The following PCDH10 variants were observed in gnomAD, a reference collection of about 807,000 sequenced individuals.
PCDH10 encodes protocadherin 10.
PCDH10 carries 15 observed loss-of-function variants against 74.4 expected under a neutral mutation model. The ratio of observed to expected loss-of-function variants is 0.20; its 90% CI spans 0.13 to 0.31. The LOEUF (loss-of-function observed/expected upper bound fraction) is 0.31. Among genes scored for constraint, PCDH10 ranks in the 10% least tolerant of loss-of-function variants. The pLI is 1.00. For missense variants in PCDH10, 1,260 were observed against 1,390.2 expected, an observed-to-expected ratio of 0.91 and a Z score of 1.49; for synonymous variants, 619 against 589.8, an observed-to-expected ratio of 1.05 and a Z score of -0.72.
Position 133,150,271 on chromosome 4 carries a change from A to G in PCDH10, c.131A>G (p.Asp44Gly), listed in dbSNP as rs761142755. The G allele has an allele frequency of 8.1e-6, 13 of 1,613,868 alleles. No homozygotes were observed. Among genetic ancestry groups the G allele is most frequent in the East Asian group, 2.2e-5 (1 of 44,864 alleles). ...AATATCGCTGAAGATCTGGGTCTGG[A>G]CATTACAAAACTTTCGGCTCGCGGG... ...VGNIAEDLGLDITKLSARGFQ... is the reference protein window; with the variant it reads ...VGNIAEDLGLGITKLSARGFQ... Residue 44 changes from aspartate (D) to glycine (G), a missense_variant, in exon 1 of 5, where the codon GAC (aspartate) becomes GGC (glycine). Transcript: ENST00000264360.
intron 2 of PCDH10, among the ~76,000 whole-genome samples, chr4:133,200,125 T>A (rs1257967934): frequency 6.6e-6 from 1 of 151,956 alleles, no homozygotes; most frequent in African/African-American, 2.4e-5. Context: ...TATAAAATGG[T>A]ACTATTCATG....
intron 3 of PCDH10, among the ~76,000 whole-genome samples, chr4:133,157,795 G>A (rs1726895723): frequency 6.6e-6 from 1 of 151,868 alleles, no homozygotes; most frequent in Non-Finnish European, 1.5e-5. Context: ...TTTATGAATA[G>A]TTTTCTTTTT....
exon 3 of PCDH10, chr4:133,208,154 T>C (rs1310761827): frequency 6.6e-6 from 1 of 152,150 alleles, no homozygotes; most frequent in Admixed American, 6.5e-5. Flanking sequence ...TGAGTGAGCT[T>C]GGAAACAGAC....
At chr4:133,188,819 G>A (rs566900605) in intron 4 of PCDH10, among the ~76,000 whole-genome samples, 20 of 151,432 alleles carry the variant, frequency 1.3e-4, no homozygotes, top group Admixed American at 3.3e-4. Context: ...GATTATAGGC[G>A]CCCACCACCA....
chr4:133,164,708 T>A (rs115197059), intron 4 of PCDH10, among the ~76,000 whole-genome samples: 1 of 151,536 alleles, frequency 6.6e-6, no homozygotes, highest in Non-Finnish European at 1.5e-5. Context: ...TGTCTTTTCT[T>A]TACTGACTGG....
At chr4:133,170,317 C>T (rs1274770791) in intron 4 of PCDH10, among the ~76,000 whole-genome samples, 1 of 151,974 alleles carries the variant, frequency 6.6e-6, no homozygotes, top group Non-Finnish European at 1.5e-5. Flanking sequence ...TATGAAGAGA[C>T]AATATTTGAA....
Position 133,190,941 on chromosome 4 carries a change from C to G in PCDH10, c.*781C>G, listed in dbSNP as rs1266770424. The G allele has an allele frequency of 1.3e-5, 2 of 152,078 alleles. No individual in the cohort carries two copies. The highest frequency in any genetic ancestry group is 2.9e-5 in the Non-Finnish European group (2 of 67,824). The allele number at this position is 152,078 out of a possible 1,614,324, so 9.4% of individuals were successfully genotyped here. ...CCATATCTTACTCAACCGTGTTTTT[C>G]CTTGTTTAAAAGAAAATGATGCTCT... is the stretch of plus-strand genomic sequence containing the variant. On this transcript the variant is annotated 3_prime_UTR_variant, in exon 5 of 5. Transcript: ENST00000264360.
At chr4:133,198,342 T>A (rs1248958731), downstream of PCDH10, among the ~76,000 whole-genome samples, 2 of 152,158 alleles carry the variant, frequency 1.3e-5, no homozygotes, top group African/African-American at 4.8e-5. Flanking sequence ...GAGAGTTATA[T>A]TTTAACATAC....
In PCDH10 at chr4:133,152,086, A is replaced by AC; in HGVS notation, c.1951dup (p.Gln651ProfsTer5). On this transcript the variant is annotated frameshift_variant, in exon 1 of 5. Coordinates refer to ENST00000264360, the MANE Select transcript of PCDH10 (RefSeq NM_032961.3). LOFTEE classifies it high-confidence loss of function. ...GCACGCCGAGTCCCGGCCAAGCGCG[A>AC]CCCCCAGCGGCCTTATGAGCTGGTG... The AC allele has an allele frequency of 6.3e-7, 1 of 1,595,894 alleles. No homozygotes were observed. The highest frequency in any genetic ancestry group is 8.5e-7 in the Non-Finnish European group (1 of 1,171,780).
chr4:133,182,749 G>C lies in PCDH10; in HGVS notation c.3104-7392G>C, dbSNP rs1373055030. 3.3e-5 allele frequency among the ~76,000 whole-genome samples: 5 copies of C among 152,122 alleles called. No individual in the cohort carries two copies. The East Asian group carries it at 9.7e-4, about 30-fold the overall frequency. On this transcript the variant is annotated intron_variant, in intron 4 of 4. Coordinates refer to ENST00000264360, the MANE Select transcript of PCDH10 (RefSeq NM_032961.3). Reference sequence around the variant, plus strand: ...TACTTTGAGATACTAATTGGGCAATGGTGTTCTGTTTGTCAAATAGAGCCT... The same window carrying C: ...TACTTTGAGATACTAATTGGGCAATCGTGTTCTGTTTGTCAAATAGAGCCT...
At chr4:133,156,286 A>G (rs953388576) in intron 3 of PCDH10, among the ~76,000 whole-genome samples, 13 of 152,086 alleles carry the variant, frequency 8.5e-5, no homozygotes, top group Non-Finnish European at 1.6e-4. Flanking sequence ...GCCTTGGGAA[A>G]CCCAGGCAGG....
chr4:133,197,395 G>A (rs560743748), downstream of PCDH10, among the ~76,000 whole-genome samples: 1 of 152,218 alleles, frequency 6.6e-6, no homozygotes, highest in African/African-American at 2.4e-5. Context: ...ACTTCTTGAA[G>A]TTGTCATTAC....
intron 4 of PCDH10, among the ~76,000 whole-genome samples, chr4:133,171,307 T>G (rs568713733): frequency 6.6e-6 from 1 of 152,224 alleles, no homozygotes; most frequent in East Asian, 1.9e-4. Context: ...GGGCTGAAAA[T>G]TACCACTTTA....
chr4:133,164,622 T>C (rs1727041246), intron 4 of PCDH10, among the ~76,000 whole-genome samples: 1 of 151,800 alleles, frequency 6.6e-6, no homozygotes, highest in Non-Finnish European at 1.5e-5. Context: ...CAACTTGCCC[T>C]CTTTTGCTCT....
chr4:133,162,276 G>T (rs1372019860), intron 3 of PCDH10, among the ~76,000 whole-genome samples: 1 of 152,138 alleles, frequency 6.6e-6, no homozygotes, highest in Admixed American at 6.6e-5. Flanking sequence ...TTCTGGATTT[G>T]TCTAAGGTGG....
chr4:133,168,750 A>G (rs1021645212), intron 4 of PCDH10, among the ~76,000 whole-genome samples: 2 of 151,688 alleles, frequency 1.3e-5, no homozygotes, highest in African/African-American at 4.8e-5. Flanking sequence ...GTGATGAAAA[A>G]TGAATTAATG....
rs113851351 is a variant in PCDH10 at position 133,171,030 on chromosome 4, C to CAA, written c.3103+7758_3103+7759dup. Among the ~76,000 whole-genome samples, 613 of 143,450 alleles carry CAA rather than the reference C, an allele frequency of 4.3e-3. 2 individuals are homozygous for CAA. Among genetic ancestry groups the CAA allele is most frequent in the African/African-American group, 9.6e-3 (377 of 39,106 alleles). 94.1% of individuals were successfully genotyped at this position (143,450 alleles called of 152,430 possible). A position where few individuals can be genotyped will look rare whatever the true frequency, so the allele number is the denominator to read the frequency against. On this transcript the variant is annotated intron_variant, in intron 4 of 4. Transcript: ENST00000264360. Reference sequence around the variant, plus strand: ...TTAAGTTTACAGTGCTTAAGTATAGCAAAAAAAAAAACTATGACACTGTAG... The same window carrying CAA: ...TTAAGTTTACAGTGCTTAAGTATAGCAAAAAAAAAAAAACTATGACACTGTAG...
At chr4:133,163,704 A>C (rs1212550417) in intron 4 of PCDH10, among the ~76,000 whole-genome samples, 1 of 152,158 alleles carries the variant, frequency 6.6e-6, no homozygotes, top group African/African-American at 2.4e-5. Context: ...TAAAACTCAT[A>C]ACAACTCAAT....
At chr4:133,177,515 A>G (rs1727319296) in intron 4 of PCDH10, among the ~76,000 whole-genome samples, 2 of 152,106 alleles carry the variant, frequency 1.3e-5, no homozygotes, top group African/African-American at 2.4e-5. Context: ...TTGCATGTAC[A>G]TCACCAGTTT....
Sources: allele counts gnomAD v4.1 joint callset (sites outside exome capture counted in the v4.1 genomes callset), GRCh38; gene constraint gnomAD v4.1.1; transcripts MANE v1.5; gene names NCBI Gene and HGNC (gene_info 2026-07-23, HGNC 2026-07-21).